Variants in XIRP2 observed in about 807,000 individuals in gnomAD.
The protein encoded by XIRP2 is xin actin-binding repeat-containing protein 2.
In XIRP2, 236 loss-of-function variants were observed where a neutral mutation model predicts 277.0. The ratio of observed to expected loss-of-function variants is 0.85; its 90% CI spans 0.77 to 0.95. The LOEUF is 0.95. XIRP2 is among the 40% of genes least tolerant of loss of function. The pLI, the probability that XIRP2 is intolerant of heterozygous loss-of-function variation, is 0.00. For missense variants in XIRP2, 4,640 were observed against 4,157.5 expected (o/e 1.12, Z -3.19); for synonymous variants, 1,490 against 1,416.5 (o/e 1.05, Z -1.17).
chr2:167,018,819 C>T (rs887818971), intron 2 of XIRP2, among the ~76,000 whole-genome samples: 12 of 152,016 alleles, frequency 7.9e-5, no homozygotes, highest in African/African-American at 2.9e-4. Context: ...TACACATCAC[C>T]TCCCACTTGC....
rs1695247142 is a variant in XIRP2 at position 167,245,989 on chromosome 2, C to T, written c.4597C>T (p.Pro1533Ser). 1 of 1,613,244 alleles carries T rather than the reference C, an allele frequency of 6.2e-7. No individual in the cohort carries two copies. The highest frequency in any genetic ancestry group is 1.7e-5 in the Admixed American group (1 of 59,920). ...KTTTWLFETT[P>S]LHEFNETRVE... Reference sequence around the variant, plus strand: ...AACCACATGGCTCTTTGAAACAACACCACTTCATGAATTTAATGAAACTAG... The same window carrying T: ...AACCACATGGCTCTTTGAAACAACATCACTTCATGAATTTAATGAAACTAG... The change falls in exon 9 of 11, where the codon CCA becomes TCA. Residue 1533 changes from proline to serine, a missense_variant. By Grantham distance (74) the Pro-to-Ser change is moderately conservative. Transcript: ENST00000409195.
intron 2 of XIRP2, among the ~76,000 whole-genome samples, chr2:167,113,860 C>T (rs554379832): frequency 6.6e-6 from 1 of 152,110 alleles, no homozygotes; most frequent in Non-Finnish European, 1.5e-5. Context: ...ACAGCATTTG[C>T]TTATCTGAAA....
chr2:167,196,404 CAAG>C (rs1312080115), intron 3 of XIRP2, among the ~76,000 whole-genome samples: 1 of 122,308 alleles, frequency 8.2e-6, no homozygotes, highest in East Asian at 2.3e-4. Flanking sequence ...GGTTGGGTGT[CAAG>C]AATTTTGTGT....
chr2:167,257,580 A>G (rs1341778088), intron 10 of XIRP2, among the ~76,000 whole-genome samples: 1 of 152,034 alleles, frequency 6.6e-6, no homozygotes, highest in Non-Finnish European at 1.5e-5. Context: ...GTTCAGTCCT[A>G]TCACTCTGCA....
At chr2:167,033,189 A>G (rs1688414795) in intron 2 of XIRP2, among the ~76,000 whole-genome samples, 1 of 152,108 alleles carries the variant, frequency 6.6e-6, no homozygotes, top group South Asian at 2.1e-4. Context: ...CTAACACAGG[A>G]ACAGAAAACC....
At chr2:166,920,805 A>G (rs549088239) in intron 2 of XIRP2, among the ~76,000 whole-genome samples, 1 of 152,116 alleles carries the variant, frequency 6.6e-6, no homozygotes, top group Non-Finnish European at 1.5e-5. Flanking sequence ...CCATATACAA[A>G]TGAGAAAATA....
chr2:167,248,606 A>G lies in XIRP2; in HGVS notation c.7214A>G (p.Gln2405Arg), dbSNP rs1386236127. Residue 2405 changes from glutamine (Q) to arginine (R), a missense_variant, in exon 9 of 11, where the codon CAG (glutamine) becomes CGG (arginine). Gln to Arg is a conservative substitution (Grantham distance 43). Coordinates refer to ENST00000409195, the MANE Select transcript of XIRP2 (RefSeq NM_152381.6). ...TCCCAAAAAGAAGCCTCGAACTCTC[A>G]GAATTCTCAGGCTAAAATCATAACA... ...QYSQKEASNS[Q>R]NSQAKIITGK... is the part of the protein sequence containing the mutation. The G allele has an allele frequency of 1.2e-6, 2 of 1,613,816 alleles. No individual in the cohort carries two copies. Among genetic ancestry groups the G allele is most frequent in the Non-Finnish European group, 1.7e-6 (2 of 1,179,836 alleles).
At chr2:167,242,468 A>C (rs1253383506) in intron 8 of XIRP2, 101 bp from the exon 9 acceptor site, 2 of 1,215,928 alleles carry the variant, frequency 1.6e-6, no homozygotes, top group African/African-American at 3.0e-5. Flanking sequence ...CAATGGAGAT[A>C]TCATAGGAGG....
At chr2:166,989,194 A>AC (rs1270600107) in intron 2 of XIRP2, among the ~76,000 whole-genome samples, 2 of 104,716 alleles carry the variant, frequency 1.9e-5, no homozygotes, top group African/African-American at 5.0e-5. Flanking sequence ...ACTGGGAGGC[A>AC]CCCCCCAGCA....
intron 2 of XIRP2, among the ~76,000 whole-genome samples, chr2:166,911,218 A>C (rs369033397): frequency 6.6e-6 from 1 of 152,130 alleles, no homozygotes; most frequent in Non-Finnish European, 1.5e-5. Context: ...TGGGGTTTTA[A>C]AGTCTCCCAT....
At chr2:166,908,462 G>C (rs561699853) in intron 2 of XIRP2, among the ~76,000 whole-genome samples, 2 of 152,236 alleles carry the variant, frequency 1.3e-5, no homozygotes, top group South Asian at 2.1e-4. Context: ...TGATGGGGTT[G>C]TTTGTTTTTT....
intron 3 of XIRP2, among the ~76,000 whole-genome samples, chr2:167,182,062 A>G (rs536503827): frequency 4.6e-5 from 7 of 152,328 alleles, no homozygotes; most frequent in African/African-American, 1.7e-4. Context: ...GACCTTATTC[A>G]TACTTTATTA....
intron 5 of XIRP2, among the ~76,000 whole-genome samples, chr2:167,224,330 C>A (rs1452431763): frequency 6.6e-6 from 1 of 152,164 alleles, no homozygotes. Flanking sequence ...ACCTCCCAGG[C>A]TCAAGCAATA....
intron 3 of XIRP2, among the ~76,000 whole-genome samples, chr2:167,138,840 C>A (rs576646028): frequency 1.3e-5 from 2 of 152,114 alleles, no homozygotes; most frequent in African/African-American, 4.8e-5. Context: ...CCAAGGCGGG[C>A]GAATCACCTA....
At chr2:167,144,600 A>G (rs980394360) in intron 3 of XIRP2, among the ~76,000 whole-genome samples, 2 of 152,070 alleles carry the variant, frequency 1.3e-5, no homozygotes, top group African/African-American at 4.8e-5. Flanking sequence ...TTATTATGAG[A>G]TATGTAATCA....
At chr2:167,109,367 GC>G (rs1690687739) in intron 2 of XIRP2, among the ~76,000 whole-genome samples, 1 of 151,978 alleles carries the variant, frequency 6.6e-6, no homozygotes, top group Middle Eastern at 3.4e-3. Context: ...TGCAACCTCT[GC>G]CTCCAGGGTT....
chr2:167,173,193 T>A (rs1389925044), intron 3 of XIRP2, among the ~76,000 whole-genome samples: 1 of 152,230 alleles, frequency 6.6e-6, no homozygotes, highest in East Asian at 1.9e-4. Flanking sequence ...ATAGTCCCCC[T>A]GTTGTGCTGT....
chr2:167,191,165 G>A (rs1339207875), intron 3 of XIRP2, among the ~76,000 whole-genome samples: 1 of 139,834 alleles, frequency 7.2e-6, no homozygotes, highest in Non-Finnish European at 1.5e-5. Context: ...CAGCCCGGGT[G>A]ACAGAGTGAG....
rs1573997443 is a variant in XIRP2 at position 167,248,474 on chromosome 2, C to T, written c.7082C>T (p.Ser2361Leu). Residue 2361 changes from serine to leucine, a missense_variant, in exon 9 of 11, where the codon TCG becomes TTG. By Grantham distance (145) the Ser-to-Leu change is moderately radical. Transcript: ENST00000409195. Reference sequence around the variant, plus strand: ...GAGAAATCTGAAAGAGAAAGTTCATCGATGTTTCTGCCGCCTCCTCCTCCT... The same window carrying T: ...GAGAAATCTGAAAGAGAAAGTTCATTGATGTTTCTGCCGCCTCCTCCTCCT... ...VDEKSERESS[S>L]MFLPPPPPPT... 7.4e-6 allele frequency: 12 copies of T among 1,613,622 alleles called. No individual in the cohort carries two copies. The highest frequency in any genetic ancestry group is 1.1e-5 in the South Asian group (1 of 91,062).
Sources: allele counts gnomAD v4.1 joint callset (sites outside exome capture counted in the v4.1 genomes callset), GRCh38; gene constraint gnomAD v4.1.1; transcripts MANE v1.5; gene names NCBI Gene and HGNC (gene_info 2026-07-23, HGNC 2026-07-21).